DEFB131B: variants seen among roughly 807,000 people sequenced by gnomAD.
DEFB131B encodes the protein defensin beta 131B, also known as beta-defensin 131B.
Under a neutral mutation model 2.1 loss-of-function variants are expected in DEFB131B, and 2 were observed. That is an observed-to-expected ratio of 0.94 (90% confidence interval 0.38 to 2.95). The LOEUF (loss-of-function observed/expected upper bound fraction) is 2.95. DEFB131B is among the 30% of genes most tolerant of loss of function. The pLI, the probability that DEFB131B is intolerant of heterozygous loss-of-function variation, is 0.09. For synonymous variants in DEFB131B, 26 were observed against 25.8 expected (o/e 1.01, Z -0.03); for missense variants, 77 against 78.5 (o/e 0.98, Z 0.07).
intron 1 of DEFB131B, among the ~76,000 whole-genome samples, chr11:71,882,014 C>T (rs1345428221): frequency 2.6e-5 from 4 of 151,352 alleles, no homozygotes; most frequent in Non-Finnish European, 4.4e-5. Flanking sequence ...TGAGAGAATA[C>T]CAAGCAAGAT....
At chr11:71,883,978 T>C (rs966127945) in intron 1 of DEFB131B, among the ~76,000 whole-genome samples, 1 of 152,216 alleles carries the variant, frequency 6.6e-6, no homozygotes, top group Admixed American at 6.5e-5. Flanking sequence ...CATGGTTTTA[T>C]CTTTATCCAT....
rs765691944 is a variant in DEFB131B, at chr11:71,884,556, T to C, written c.208T>C (p.Trp70Arg). The change falls in exon 2 of 2, where the codon TGG (tryptophan) becomes CGG (arginine). Residue 70 changes from tryptophan (W) to arginine (R), a missense_variant. Transcript: ENST00000530210. ...KIIQIDGQKK[W>R] ...CATTCAAATTGATGGACAAAAGAAGTGGTGAAAATTCTAACTCCATCTTCT... is the reference window on the plus strand; with the variant it reads ...CATTCAAATTGATGGACAAAAGAAGCGGTGAAAATTCTAACTCCATCTTCT... The C allele has an allele frequency of 8.1e-6, 13 of 1,601,438 alleles. No individual in the cohort carries two copies. The East Asian group carries it at 2.5e-4, about 30-fold the overall frequency.
At chr11:71,879,599 GT>G (rs1225134201) in intron 1 of DEFB131B, among the ~76,000 whole-genome samples, 1 of 151,810 alleles carries the variant, frequency 6.6e-6, no homozygotes, top group South Asian at 2.1e-4. Flanking sequence ...ATGTTAGTGG[GT>G]TTTTTATATT....
chr11:71,884,276 T>C, intron 1 of DEFB131B, 131 bp from the exon 2 acceptor site: 1 of 1,111,488 alleles, frequency 9.0e-7, no homozygotes, highest in Non-Finnish European at 1.2e-6. Context: ...TTCTCTTGCA[T>C]TCTTTTGCTG....
intron 1 of DEFB131B, among the ~76,000 whole-genome samples, chr11:71,881,592 C>T (rs182110086): frequency 3.2e-4 from 49 of 151,608 alleles, no homozygotes; most frequent in African/African-American, 9.2e-4. Context: ...CCATATTGCA[C>T]GAGGGCCATA....
rs1371496145 is a variant in DEFB131B, at chr11:71,883,065, T to C, written c.59-1342T>C. 2.0e-5 allele frequency among the ~76,000 whole-genome samples: 3 copies of C among 152,184 alleles called. No homozygotes were observed. In the East Asian group the frequency reaches 5.8e-4, roughly 29 times the overall value. Reference sequence around the variant, plus strand: ...AGATGAAAGACTGGTACATTAAAAATTGCAGACATTCATGAAAGAAATTAA... The same window carrying C: ...AGATGAAAGACTGGTACATTAAAAACTGCAGACATTCATGAAAGAAATTAA... On this transcript the variant is annotated intron_variant, in intron 1 of 1. Coordinates refer to ENST00000530210, the MANE Select transcript of DEFB131B (RefSeq NM_001242853.1).
Position 71,883,511 on chromosome 11 carries a change from G to A in DEFB131B, c.59-896G>A, listed in dbSNP as rs138491263. Among the ~76,000 whole-genome samples the A allele has an allele frequency of 4.5e-4, 68 of 152,188 alleles. No homozygotes were observed. The East Asian group carries it at 0.011, about 25-fold the overall frequency. ...GGGGAAAAGATGGTTTCTTCAATACGTGGTACTAAGAAAACTGAATATTCA... is the reference window on the plus strand; with the variant it reads ...GGGGAAAAGATGGTTTCTTCAATACATGGTACTAAGAAAACTGAATATTCA... On this transcript the variant is annotated intron_variant, in intron 1 of 1. Transcript: ENST00000530210.
intron 1 of DEFB131B, among the ~76,000 whole-genome samples, chr11:71,882,110 G>T (rs1252824180): frequency 6.6e-6 from 1 of 151,288 alleles, no homozygotes; most frequent in Admixed American, 6.6e-5. Context: ...GAAGCCAGGA[G>T]GGGAAAAAAT....
At position 71,878,483 on chromosome 11, in the gene DEFB131B, C is replaced by G; in HGVS notation, c.31C>G (p.Leu11Val). The part of the protein sequence containing the change: MRVLFFVFGV[L>V]SLMSTVPPTR... ...GGTCTTGTTTTTTGTCTTTGGAGTC[C>G]TTTCCTTGATGTCCACAGTTCCTCC... The change falls in exon 1 of 2, where the codon CTT becomes GTT. Residue 11 changes from leucine (L) to valine (V), a missense_variant. Leu to Val is a conservative substitution (Grantham distance 32). Transcript: ENST00000530210. 1 of 1,611,656 alleles carries G rather than the reference C, an allele frequency of 6.2e-7. No individual in the cohort carries two copies. Among genetic ancestry groups the G allele is most frequent in the Non-Finnish European group, 8.5e-7 (1 of 1,179,786 alleles).
In DEFB131B at chr11:71,884,491, G is replaced by C. The variant is rs756931342; in HGVS notation, c.143G>C (p.Arg48Thr). The change falls in exon 2 of 2, where the codon AGA becomes ACA. Residue 48 changes from arginine (R) to threonine (T), a missense_variant. Arg to Thr is a moderately conservative substitution (Grantham distance 71, BLOSUM62 -1). Transcript: ENST00000530210. ...LKCNADEHAI[R>T]YCADFSICCK... ...TGCAATGCTGATGAACATGCAATTAGATACTGTGCTGACTTCAGCATCTGC... is the reference window on the plus strand; with the variant it reads ...TGCAATGCTGATGAACATGCAATTACATACTGTGCTGACTTCAGCATCTGC... 1.2e-6 allele frequency: 2 copies of C among 1,610,538 alleles called. No homozygotes were observed. The highest frequency in any genetic ancestry group is 1.7e-6 in the Non-Finnish European group (2 of 1,178,948).
chr11:71,880,841 C>A (rs937873638), intron 1 of DEFB131B, among the ~76,000 whole-genome samples: 5 of 152,050 alleles, frequency 3.3e-5, no homozygotes, highest in African/African-American at 1.2e-4. Flanking sequence ...TCCTAGTATT[C>A]ATTTCTAGTT....
At chr11:71,880,198 A>G (rs1265999020) in intron 1 of DEFB131B, among the ~76,000 whole-genome samples, 4 of 152,194 alleles carry the variant, frequency 2.6e-5, no homozygotes, top group Admixed American at 1.3e-4. Context: ...CCACAGTTTA[A>G]TATGTATTTA....
intron 1 of DEFB131B, among the ~76,000 whole-genome samples, chr11:71,881,060 T>G (rs1396567045): frequency 7.2e-5 from 11 of 152,216 alleles, no homozygotes; most frequent in Non-Finnish European, 1.6e-4. Context: ...ATTTGATGAT[T>G]ATTTGTTAGC....
chr11:71,878,470 T>A lies in DEFB131B; in HGVS notation c.18T>A (p.Phe6Leu). Residue 6 changes from phenylalanine (F) to leucine (L), a missense_variant, in exon 1 of 2, where the codon TTT becomes TTA. Phe to Leu is a conservative substitution (Grantham distance 22). Transcript: ENST00000530210. ...ATTCAACCATGAGGGTCTTGTTTTT[T>A]GTCTTTGGAGTCCTTTCCTTGATGT... is the stretch of plus-strand genomic sequence containing the variant. MRVLF[F>L]VFGVLSLMST... 6.2e-7 allele frequency: 1 copy of A among 1,611,820 alleles called. No individual in the cohort carries two copies. Among genetic ancestry groups the A allele is most frequent in the Non-Finnish European group, 8.5e-7 (1 of 1,179,790 alleles).
At chr11:71,878,816 C>G (rs970244721) in intron 1 of DEFB131B, among the ~76,000 whole-genome samples, 1 of 150,476 alleles carries the variant, frequency 6.6e-6, no homozygotes, top group Non-Finnish European at 1.5e-5. Context: ...CAGGGTGAAA[C>G]CCCATCTCTA....
intron 1 of DEFB131B, among the ~76,000 whole-genome samples, chr11:71,879,366 T>C (rs1393735725): frequency 6.6e-6 from 1 of 152,188 alleles, no homozygotes; most frequent in African/African-American, 2.4e-5. Context: ...AAATAATCAA[T>C]ATGACTTTCC....
chr11:71,881,052 T>C (rs1191386835), intron 1 of DEFB131B, among the ~76,000 whole-genome samples: 5 of 152,330 alleles, frequency 3.3e-5, no homozygotes, highest in Middle Eastern at 6.8e-3. Flanking sequence ...CAGATTAAAT[T>C]TGATGATTAT....
intron 1 of DEFB131B, 34 bp from the exon 2 acceptor site, chr11:71,884,373 A>G (rs1952601285): frequency 2.0e-6 from 3 of 1,538,066 alleles, no homozygotes; most frequent in Non-Finnish European, 1.8e-6. Context: ...AGTAAGTAAT[A>G]TTGTGTCATA....
intron 1 of DEFB131B, among the ~76,000 whole-genome samples, chr11:71,882,127 C>A (rs1454948066): frequency 6.6e-6 from 1 of 151,390 alleles, no homozygotes; most frequent in South Asian, 2.1e-4. Flanking sequence ...AAATCTTTAT[C>A]TATGGACAAC....
Sources: gnomAD v4.1 joint callset for allele counts (sites outside exome capture counted in the v4.1 genomes callset) on GRCh38, gnomAD v4.1.1 for gene constraint, MANE v1.5 for transcripts, NCBI Gene and HGNC (gene_info 2026-07-23, HGNC 2026-07-21) for gene names.